Variants in FLRT3 observed in about 807,000 individuals in gnomAD.
FLRT3 encodes leucine-rich repeat transmembrane protein FLRT3.
FLRT3 carries 17 observed loss-of-function variants against 42.6 expected under a neutral mutation model. The ratio of observed to expected loss-of-function variants is 0.40; its 90% CI spans 0.27 to 0.60. The LOEUF (loss-of-function observed/expected upper bound fraction) is 0.60. FLRT3 is among the 20% of genes least tolerant of loss of function. FLRT3 has a pLI of 0.44. For missense variants in FLRT3, 635 were observed against 789.2 expected (o/e 0.80, Z 2.34); for synonymous variants, 279 against 286.4 (o/e 0.97, Z 0.26).
At position 14,326,125 on chromosome 20, in the gene FLRT3, C is replaced by A; in HGVS notation, c.1382G>T (p.Arg461Leu). Residue 461 changes from arginine to leucine, a missense_variant, in exon 3 of 3, where the codon CGC becomes CTC. Arg to Leu is a moderately radical substitution (Grantham distance 102). Coordinates refer to ENST00000341420, the MANE Select transcript of FLRT3 (RefSeq NM_198391.3). This position sits in a 1 kb window ranked among gnomAD's most constrained non-coding sequence, Gnocchi z 5.5. ...SITETIVTGE[R>L]SEYLVTALEP... ...CAGGGCTGTGACCAAGTACTCACTGCGTTCCCCTGTTACAATTGTTTCTGT... is the reference window on the plus strand; with the variant it reads ...CAGGGCTGTGACCAAGTACTCACTGAGTTCCCCTGTTACAATTGTTTCTGT... 1 of 1,613,822 alleles carries A rather than the reference C, an allele frequency of 6.2e-7. No homozygotes were observed. Among genetic ancestry groups the A allele is most frequent in the Non-Finnish European group, 8.5e-7 (1 of 1,179,848 alleles).
intron 1 of FLRT3, among the ~76,000 whole-genome samples, chr20:14,335,252 G>C (rs1419158276): frequency 6.6e-6 from 1 of 152,152 alleles, no homozygotes; most frequent in Non-Finnish European, 1.5e-5. Flanking sequence ...TTAGGGTCTT[G>C]TGTCCCTAGG....
intron 1 of FLRT3, 37 bp downstream of exon 1, chr20:14,337,367 T>G (rs2082957379): frequency 3.0e-6 from 1 of 329,722 alleles, no homozygotes; most frequent in East Asian, 4.4e-5. Flanking sequence ...GCAAACTTTC[T>G]GGGACAATCA....
rs370613396 is a variant in FLRT3 at position 14,326,206 on chromosome 20, G to T, written c.1301C>A (p.Thr434Asn). The change falls in exon 3 of 3, where the codon ACT (threonine) becomes AAT (asparagine). Residue 434 changes from threonine (T) to asparagine (N), a missense_variant. Transcript: ENST00000341420. The surrounding 1 kb of genome is among the most constrained non-coding windows in gnomAD (Gnocchi z 5.5). ...TTTAAGCCAGCTGAGTCTCAAAGCA[G>T]TCATAGGTAGAGCAAGTTTCCAAGA... ...HISWKLALPM[T>N]ALRLSWLKLG... 6.2e-7 allele frequency: 1 copy of T among 1,613,820 alleles called. No individual in the cohort carries two copies. Among genetic ancestry groups the T allele is most frequent in the African/African-American group, 1.3e-5 (1 of 74,902 alleles).
chr20:14,333,129 G>C (rs1174347084), intron 1 of FLRT3, among the ~76,000 whole-genome samples: 3 of 151,898 alleles, frequency 2.0e-5, no homozygotes, highest in Non-Finnish European at 4.4e-5. Context: ...AAGTCTGAAG[G>C]GTTTGCTGAG....
intron 1 of FLRT3, among the ~76,000 whole-genome samples, chr20:14,335,154 A>C (rs2082914254): frequency 6.6e-6 from 1 of 152,206 alleles, no homozygotes; most frequent in Non-Finnish European, 1.5e-5. Flanking sequence ...GTGTGTGGCC[A>C]AGAAAAGCAC....
Position 14,325,248 on chromosome 20 carries a change from T to C in FLRT3, c.*309A>G, listed in dbSNP as rs1237739287. 4.9e-6 allele frequency: 1 copy of C among 203,572 alleles called. No individual in the cohort carries two copies. The highest frequency in any genetic ancestry group is 9.8e-6 in the Non-Finnish European group (1 of 102,192). 12.6% of individuals were successfully genotyped at this position (203,572 alleles called of 1,614,324 possible). A position where few individuals can be genotyped will look rare whatever the true frequency, so the allele number is the denominator to read the frequency against. Reference sequence around the variant, plus strand: ...CACTTTCACAGTCAACAAGTCATCTTACTCAGTAGAACACAAAGTAAATGG... The same window carrying C: ...CACTTTCACAGTCAACAAGTCATCTCACTCAGTAGAACACAAAGTAAATGG... On this transcript the variant is annotated 3_prime_UTR_variant, in exon 3 of 3. Transcript: ENST00000341420.
Position 14,325,975 on chromosome 20 carries a change from G to A in FLRT3, c.1532C>T (p.Thr511Ile), listed in dbSNP as rs777186604. Residue 511 changes from threonine to isoleucine, a missense_variant, in exon 3 of 3, where the codon ACC becomes ATC. By Grantham distance (89) the Thr-to-Ile change is moderately conservative (BLOSUM62 -1). Transcript: ENST00000341420. ...TTTCTCTTGCTCTCGATTGAGGGTG[G>A]TTGTAGGGTTGTACATTCGAAGGGG... ...TAPLRMYNPT[T>I]TLNREQEKEP... The A allele has an allele frequency of 1.7e-5, 27 of 1,613,778 alleles. No individual in the cohort carries two copies. The highest frequency in any genetic ancestry group is 2.0e-5 in the Non-Finnish European group (24 of 1,179,880).
In FLRT3 at chr20:14,326,080, T is replaced by G; in HGVS notation, c.1427A>C (p.Lys476Thr). 1 of 1,613,872 alleles carries G rather than the reference T, an allele frequency of 6.2e-7. No individual in the cohort carries two copies. The highest frequency in any genetic ancestry group is 8.5e-7 in the Non-Finnish European group (1 of 1,179,878). The change falls in exon 3 of 3, where the codon AAA becomes ACA. Residue 476 changes from lysine (K) to threonine (T), a missense_variant. By Grantham distance (78) the Lys-to-Thr change is moderately conservative. Transcript: ENST00000341420. This position sits in a 1 kb window ranked among gnomAD's most constrained non-coding sequence, Gnocchi z 5.5. ...GGTTTCCATGGGAACCATGCATACTTTATAGGGTGAATCAGGCTCCAGGGC... is the reference window on the plus strand; with the variant it reads ...GGTTTCCATGGGAACCATGCATACTGTATAGGGTGAATCAGGCTCCAGGGC... The part of the protein sequence containing the change: ...VTALEPDSPY[K>T]VCMVPMETSN...
rs1054552040 is a variant in FLRT3, at chr20:14,326,222, G to C, written c.1285C>G (p.Leu429Val). The C allele has an allele frequency of 6.2e-7, 1 of 1,613,962 alleles. No homozygotes were observed. The highest frequency in any genetic ancestry group is 1.7e-5 in the Admixed American group (1 of 60,000). Residue 429 changes from leucine (L) to valine (V), a missense_variant, in exon 3 of 3, where the codon CTT becomes GTT. Coordinates refer to ENST00000341420, the MANE Select transcript of FLRT3 (RefSeq NM_198391.3). The surrounding 1 kb of genome is among the most constrained non-coding windows in gnomAD (Gnocchi z 5.5). ...CTCAAAGCAGTCATAGGTAGAGCAAGTTTCCAAGAGATATGAATGGTATCA... is the reference window on the plus strand; with the variant it reads ...CTCAAAGCAGTCATAGGTAGAGCAACTTTCCAAGAGATATGAATGGTATCA... ...TSDTIHISWK[L>V]ALPMTALRLS...
In FLRT3 at chr20:14,325,998, G is replaced by C. The variant is rs775851675; in HGVS notation, c.1509C>G (p.Pro503=). The part of the protein sequence containing the change: ...TPVCIETETA[P]LRMYNPTTTL... ...TGGTTGTAGGGTTGTACATTCGAAG[G>C]GGTGCAGTTTCAGTCTCAATACAAA... Residue 503 remains proline, a synonymous_variant, in exon 3 of 3, where the codon CCC becomes CCG. Transcript: ENST00000341420. 4 of 1,613,912 alleles carry C rather than the reference G, an allele frequency of 2.5e-6. No homozygotes were observed. The highest frequency in any genetic ancestry group is 2.5e-6 in the Non-Finnish European group (3 of 1,179,890).
rs374934489 is a variant in FLRT3 at position 14,327,742 on chromosome 20, C to A, written c.-52-184G>T. ...TAGACACTGTCATATAATCTCTTTA[C>A]CTTAATGGTTTCTTAATTTCTTTAT... On this transcript the variant is annotated intron_variant, in intron 2 of 2. Coordinates refer to ENST00000341420, the MANE Select transcript of FLRT3 (RefSeq NM_198391.3). Among the ~76,000 whole-genome samples, 101 of 152,138 alleles carry A rather than the reference C, an allele frequency of 6.6e-4. 2 individuals are homozygous for A. The South Asian group carries it at 0.019, about 28-fold the overall frequency.
At chr20:14,328,836 G>A (rs1257963508) in intron 2 of FLRT3, 1 of 152,034 alleles carries the variant, frequency 6.6e-6, no homozygotes. Context: ...CTGTTACTAT[G>A]TAGGACACAT....
Position 14,337,438 on chromosome 20 carries a change from G to A in FLRT3, c.-281C>T, listed in dbSNP as rs912128579. 2.6e-6 allele frequency: 1 copy of A among 388,734 alleles called. No homozygotes were observed. Among genetic ancestry groups the A allele is most frequent in the African/African-American group, 2.1e-5 (1 of 48,316 alleles). 24.1% of individuals were successfully genotyped at this position (388,734 alleles called of 1,614,324 possible). A position where few individuals can be genotyped will look rare whatever the true frequency, so the allele number is the denominator to read the frequency against. On this transcript the variant is annotated 5_prime_UTR_variant, in exon 1 of 3. Transcript: ENST00000341420. The stretch of plus-strand genomic sequence containing the variant: ...GAGAAAAAGCAATCCTATATACACT[G>A]CCGCTATAGCTGTAATTCCATTGAC...
At chr20:14,332,803 C>T (rs1376007912) in intron 1 of FLRT3, among the ~76,000 whole-genome samples, 1 of 152,026 alleles carries the variant, frequency 6.6e-6, no homozygotes, top group Admixed American at 6.6e-5. Flanking sequence ...TCTAGGTAAA[C>T]TGGAATTTAT....
rs115032449 is a variant in FLRT3, at chr20:14,330,674, A to T, written c.-246-1347T>A. The stretch of plus-strand genomic sequence containing the variant: ...ACTTGAAACAAAAATAGCAGTTAGC[A>T]GATGGATCAAACAGTCTCTAGTGAA... On this transcript the variant is annotated intron_variant, in intron 1 of 2. Transcript: ENST00000341420. 4.1e-3 allele frequency among the ~76,000 whole-genome samples: 627 copies of T among 152,250 alleles called. 6 individuals are homozygous for T. The highest frequency in any genetic ancestry group is 0.014 in the African/African-American group (586 of 41,574).
At chr20:14,327,713 A>G (rs191548585) in intron 2 of FLRT3, among the ~76,000 whole-genome samples, 155 bp from the exon 3 acceptor site, 160 of 152,276 alleles carry the variant, frequency 1.1e-3, no homozygotes, top group African/African-American at 3.6e-3. Flanking sequence ...TTGCTAGCTA[A>G]CAATAGACAC....
At position 14,324,535 on chromosome 20, in the gene FLRT3, A is replaced by G. The variant is rs979037689; in HGVS notation, c.*1022T>C. 6.6e-6 allele frequency: 1 copy of G among 152,382 alleles called. No homozygotes were observed. The highest frequency in any genetic ancestry group is 1.5e-5 in the Non-Finnish European group (1 of 67,996). The allele number at this position is 152,382 out of a possible 1,614,324, so 9.4% of individuals were successfully genotyped here. ...GATGTCTAGTATTTATTTTTCTTTA[A>G]ATTATCTCTTATTTAAAGAACTACT... On this transcript the variant is annotated 3_prime_UTR_variant, in exon 3 of 3. Transcript: ENST00000341420.
In FLRT3 at chr20:14,326,911, G is replaced by C. The variant is rs775685649; in HGVS notation, c.596C>G (p.Thr199Ser). 18 of 1,613,676 alleles carry C rather than the reference G, an allele frequency of 1.1e-5. No homozygotes were observed. Among genetic ancestry groups the C allele is most frequent in the Admixed American group, 3.3e-5 (2 of 59,942 alleles). ...ATCTAGAACCAGGCGTTTTAGACTA[G>C]TGAGACCTTGAAGAGATGGTGATGA... Reference protein sequence around the residue: ...TISSPSLQGLTSLKRLVLDGN... With the variant: ...TISSPSLQGLSSLKRLVLDGN... The change falls in exon 3 of 3, where the codon ACT becomes AGT. Residue 199 changes from threonine to serine, a missense_variant. Physicochemically the swap from Thr to Ser is moderately conservative, Grantham distance 58 (BLOSUM62 1). Transcript: ENST00000341420. The surrounding 1 kb of genome is among the most constrained non-coding windows in gnomAD (Gnocchi z 5.5).
Position 14,325,477 on chromosome 20 carries a change from G to T in FLRT3, c.*80C>A. 2 of 1,385,896 alleles carry T rather than the reference G, an allele frequency of 1.4e-6. No individual in the cohort carries two copies. The highest frequency in any genetic ancestry group is 2.0e-6 in the Non-Finnish European group (2 of 1,017,848). 85.8% of individuals were successfully genotyped at this position (1,385,896 alleles called of 1,614,324 possible). ...TTTCAGTCTCTTTTTCCAGTGTTTT[G>T]CAGTAGAACAGGGTTCCTACCATCA... On this transcript the variant is annotated 3_prime_UTR_variant, in exon 3 of 3. Coordinates refer to ENST00000341420, the MANE Select transcript of FLRT3 (RefSeq NM_198391.3).
Sources: allele counts gnomAD v4.1 joint callset (sites outside exome capture counted in the v4.1 genomes callset), GRCh38; gene constraint gnomAD v4.1.1; non-coding constraint Gnocchi (gnomAD v3.1); transcripts MANE v1.5; gene names NCBI Gene and HGNC (gene_info 2026-07-23, HGNC 2026-07-21).